The following MARK1 variants were observed in gnomAD, a reference collection of about 807,000 sequenced individuals.
MARK1 encodes microtubule affinity regulating kinase 1, also known as serine/threonine-protein kinase MARK1.
A neutral mutation model predicts 96.3 loss-of-function variants in MARK1; 40 were observed. The ratio of observed to expected loss-of-function variants is 0.42; its 90% CI spans 0.32 to 0.54. MARK1 has a LOEUF of 0.54. MARK1 is among the 20% of genes least tolerant of loss of function. The pLI is 0.16. For missense variants in MARK1, 719 were observed against 984.6 expected (o/e 0.73, Z 3.61); for synonymous variants, 317 against 341.2 (o/e 0.93, Z 0.78).
chr1:220,535,873 C>A (rs1660649452), intron 1 of MARK1, among the ~76,000 whole-genome samples: 1 of 152,080 alleles, frequency 6.6e-6, no homozygotes, highest in Non-Finnish European at 1.5e-5. Context: ...GTGTATATCT[C>A]TGTCTTTAAG....
chr1:220,571,627 A>G (rs1313670288), intron 1 of MARK1: 2 of 152,244 alleles, frequency 1.3e-5, no homozygotes, highest in Non-Finnish European at 2.9e-5. Flanking sequence ...ACTCAGGCAG[A>G]TTCATTGCTT....
intron 7 of MARK1, among the ~76,000 whole-genome samples, chr1:220,617,528 A>G (rs898220064): frequency 1.3e-5 from 2 of 152,216 alleles, no homozygotes; most frequent in Non-Finnish European, 2.9e-5. Context: ...TAGAGTTTAA[A>G]ATAAAACATG....
At chr1:220,630,972 A>C in intron 9 of MARK1, 63 bp from the exon 10 acceptor site, 2 of 1,117,378 alleles carry the variant, frequency 1.8e-6, no homozygotes, top group Non-Finnish European at 1.3e-6. Context: ...TTGCTAAAAT[A>C]GAGCTATAAT....
At chr1:220,627,297 G>A in intron 9 of MARK1, 1 of 503,322 alleles carries the variant, frequency 2.0e-6, no homozygotes, top group Non-Finnish European at 4.1e-6. Context: ...GTGGCCACAA[G>A]AACTCTTCCA....
chr1:220,536,857 A>C (rs1048547263), intron 1 of MARK1, among the ~76,000 whole-genome samples: 1 of 152,156 alleles, frequency 6.6e-6, no homozygotes, highest in Non-Finnish European at 1.5e-5. Flanking sequence ...CTGGGATTAC[A>C]GGCGTGAGCC....
intron 5 of MARK1, among the ~76,000 whole-genome samples, chr1:220,602,042 G>A (rs1404761080): frequency 1.3e-5 from 2 of 152,124 alleles, no homozygotes; most frequent in African/African-American, 4.8e-5. Flanking sequence ...AAATGGCAAG[G>A]TGACTCTGGA....
At chr1:220,575,682 TTC>T (rs1245675211) in intron 1 of MARK1, among the ~76,000 whole-genome samples, 5 of 152,190 alleles carry the variant, frequency 3.3e-5, no homozygotes, top group African/African-American at 1.2e-4. Context: ...ATGCTGTGTA[TTC>T]TGATTTTTTA....
intron 1 of MARK1, among the ~76,000 whole-genome samples, chr1:220,554,029 T>C (rs966466132): frequency 6.6e-6 from 1 of 152,194 alleles, no homozygotes; most frequent in Non-Finnish European, 1.5e-5. Context: ...CTGACATACA[T>C]GGTACCCTTT....
Position 220,544,702 on chromosome 1 carries a change from C to T in MARK1, c.51+15829C>T, listed in dbSNP as rs563517649. 4.5e-4 allele frequency among the ~76,000 whole-genome samples: 68 copies of T among 152,280 alleles called. 2 individuals carry two copies. The South Asian group carries it at 0.011, about 24-fold the overall frequency. On this transcript the variant is annotated intron_variant, in intron 1 of 17. Transcript: ENST00000366917. Reference sequence around the variant, plus strand: ...AAAGTGTTATTTAATACTGTTTTGACCACTGTATCAGGTTAGTCCAGGTGG... The same window carrying T: ...AAAGTGTTATTTAATACTGTTTTGATCACTGTATCAGGTTAGTCCAGGTGG...
At chr1:220,583,795 C>T (rs1664408138) in intron 3 of MARK1, among the ~76,000 whole-genome samples, 1 of 148,928 alleles carries the variant, frequency 6.7e-6, no homozygotes, top group Non-Finnish European at 1.5e-5. Context: ...ACTACAGGTG[C>T]ATGCACCATG....
intron 1 of MARK1, among the ~76,000 whole-genome samples, chr1:220,575,368 C>A (rs974191924): frequency 1.3e-5 from 2 of 152,174 alleles, no homozygotes; most frequent in Non-Finnish European, 2.9e-5. Context: ...AACATAATTT[C>A]TTCTATTTAA....
intron 1 of MARK1, among the ~76,000 whole-genome samples, chr1:220,544,363 G>A (rs1661339080): frequency 6.6e-6 from 1 of 152,184 alleles, no homozygotes; most frequent in African/African-American, 2.4e-5. Flanking sequence ...CCTCACGAAT[G>A]GCTTAATGTT....
chr1:220,556,506 A>AAAG (rs1558256445), intron 1 of MARK1, among the ~76,000 whole-genome samples: 1 of 150,096 alleles, frequency 6.7e-6, no homozygotes, highest in Non-Finnish European at 1.5e-5. Flanking sequence ...AAAAAAAAAA[A>AAAG]CAAATTACAG....
chr1:220,640,406 T>TACTTTAAA (rs748730660), intron 13 of MARK1, among the ~76,000 whole-genome samples: 1 of 152,240 alleles, frequency 6.6e-6, no homozygotes, highest in Non-Finnish European at 1.5e-5. Flanking sequence ...TGAAGGATGA[T>TACTTTAAA]ACTGGCAGAT....
chr1:220,545,439 G>T (rs982899437), intron 1 of MARK1, among the ~76,000 whole-genome samples: 20 of 87,262 alleles, frequency 2.3e-4, no homozygotes, highest in Non-Finnish European at 3.1e-4. Flanking sequence ...CTTTCTCATG[G>T]TTTTTTTTTT....
At chr1:220,598,992 T>A (rs1665564756) in intron 4 of MARK1, among the ~76,000 whole-genome samples, 2 of 151,918 alleles carry the variant, frequency 1.3e-5, no homozygotes, top group South Asian at 4.2e-4. Context: ...AAAAAGTCTC[T>A]AAATAGATAT....
intron 1 of MARK1, among the ~76,000 whole-genome samples, chr1:220,562,117 G>A (rs1404775572): frequency 6.6e-6 from 1 of 152,086 alleles, no homozygotes; most frequent in Non-Finnish European, 1.5e-5. Flanking sequence ...ACCTTAACTT[G>A]CTTATTTGAG....
chr1:220,604,041 C>G (rs1324459558), intron 5 of MARK1, 26 bp from the exon 6 acceptor site: 1 of 1,492,300 alleles, frequency 6.7e-7, no homozygotes, highest in Non-Finnish European at 9.2e-7. Flanking sequence ...GTATATTTTA[C>G]TACCTGCTTT....
At chr1:220,638,580 C>G (rs896009925) in intron 13 of MARK1, among the ~76,000 whole-genome samples, 2 of 151,966 alleles carry the variant, frequency 1.3e-5, no homozygotes, top group Admixed American at 1.3e-4. Context: ...GTCATTAGTG[C>G]TGAAGCATAC....
Sources: gnomAD v4.1 joint callset for allele counts (sites outside exome capture counted in the v4.1 genomes callset) on GRCh38, gnomAD v4.1.1 for gene constraint, MANE v1.5 for transcripts, NCBI Gene and HGNC (gene_info 2026-07-23, HGNC 2026-07-21) for gene names.